Variants in RBM19 observed in about 807,000 individuals in gnomAD.
The protein encoded by RBM19 is RNA binding motif protein 19, also known as probable RNA-binding protein 19.
RBM19 carries 94 observed loss-of-function variants against 116.8 expected under a neutral mutation model. The observed-to-expected ratio is 0.80, with a 90% CI of 0.68 to 0.95. The LOEUF (loss-of-function observed/expected upper bound fraction) is 0.95, where lower values mean the gene tolerates loss of function less well. Among genes scored for constraint, RBM19 ranks in the 40% least tolerant of loss-of-function variants. The pLI is 0.00. For synonymous variants in RBM19, 475 were observed against 494.1 expected (o/e 0.96, Z 0.51); for missense variants, 1,161 against 1,220.7 (o/e 0.95, Z 0.73).
At position 113,962,359 on chromosome 12, in the gene RBM19, C is replaced by T. The variant is rs1347268639; in HGVS notation, c.92G>A (p.Cys31Tyr). ...GCCATCTTTGGTGAACTTCAGGCTG[C>T]AGTCTGTCAGCGTGCCGAAGGCGGC... is the stretch of plus-strand genomic sequence containing the variant. ...LFAAFGTLTD[C>Y]SLKFTKDGKF... The change falls in exon 2 of 24, where the codon TGC (cysteine) becomes TAC (tyrosine). Residue 31 changes from cysteine (C) to tyrosine (Y), a missense_variant. By Grantham distance (194) the Cys-to-Tyr change is radical (BLOSUM62 -2). Transcript: ENST00000261741. 2 of 1,614,210 alleles carry T rather than the reference C, an allele frequency of 1.2e-6. No homozygotes were observed. The highest frequency in any genetic ancestry group is 1.7e-5 in the Admixed American group (1 of 60,026).
chr12:113,923,493 T>C (rs1868775071), intron 18 of RBM19, among the ~76,000 whole-genome samples: 1 of 152,206 alleles, frequency 6.6e-6, no homozygotes, highest in African/African-American at 2.4e-5. Context: ...GTGCTGTATG[T>C]CTGCTTAGAA....
At chr12:113,928,817 A>G (rs1332954025) in intron 16 of RBM19, among the ~76,000 whole-genome samples, 2 of 152,014 alleles carry the variant, frequency 1.3e-5, no homozygotes, top group Non-Finnish European at 2.9e-5. Flanking sequence ...AAATGTGTTC[A>G]ATTCGTTTCA....
intron 21 of RBM19, among the ~76,000 whole-genome samples, chr12:113,873,977 T>TAGAAACCC (rs1445593454): frequency 6.7e-6 from 1 of 149,858 alleles, no homozygotes; most frequent in East Asian, 2.0e-4. Flanking sequence ...CAGATGAACC[T>TAGAAACCC]AGAAACCCAG....
At chr12:113,875,484 C>T (rs1879605800) in intron 21 of RBM19, among the ~76,000 whole-genome samples, 1 of 152,254 alleles carries the variant, frequency 6.6e-6, no homozygotes, top group East Asian at 1.9e-4. Context: ...GAGGAATGGA[C>T]TCTGGAAGGC....
Position 113,948,994 on chromosome 12 carries a change from G to A in RBM19, c.1115C>T (p.Thr372Ile), listed in dbSNP as rs200398252. ...IEVFREKNVP[T>I]TKGAPKNTTK... is the part of the protein sequence containing the mutation. ...GGTATTCTTTGGTGCACCCTTGGTG[G>A]TGGGGACGTTCTTTTCCCTGAACAC... Residue 372 changes from threonine to isoleucine, a missense_variant, in exon 10 of 24, where the codon ACC (threonine) becomes ATC (isoleucine). Transcript: ENST00000261741. 41 of 1,614,190 alleles carry A rather than the reference G, an allele frequency of 2.5e-5. No individual in the cohort carries two copies. In the East Asian group the frequency reaches 8.5e-4, roughly 33 times the overall value.
chr12:113,846,359 C>T (rs1318280352), intron 22 of RBM19, among the ~76,000 whole-genome samples: 1 of 152,158 alleles, frequency 6.6e-6, no homozygotes, highest in East Asian at 1.9e-4. Flanking sequence ...ATGGTCAGAC[C>T]CTGTCCCGCA....
rs184403242 is a variant in RBM19, at chr12:113,853,880, G to A, written c.2664+4911C>T. 7.9e-4 allele frequency among the ~76,000 whole-genome samples: 121 copies of A among 152,292 alleles called. 1 individual carries two copies. The highest frequency in any genetic ancestry group is 2.8e-3 in the African/African-American group (115 of 41,564). ...TTTCATTCTGGACTTGTTCCCAAGAGACGTTTTAAGGGACAACCTCTTGGC... is the reference window on the plus strand; with the variant it reads ...TTTCATTCTGGACTTGTTCCCAAGAAACGTTTTAAGGGACAACCTCTTGGC... On this transcript the variant is annotated intron_variant, in intron 22 of 23. Transcript: ENST00000261741.
chr12:113,959,139 G>T, intron 5 of RBM19, 73 bp downstream of exon 5: 2 of 1,525,626 alleles, frequency 1.3e-6, no homozygotes, highest in South Asian at 2.5e-5. Context: ...GCACAGAGGG[G>T]CCCCCAGTGC....
At chr12:113,902,335 C>T (rs146843350) in intron 21 of RBM19, among the ~76,000 whole-genome samples, 1 of 152,238 alleles carries the variant, frequency 6.6e-6, no homozygotes, top group Non-Finnish European at 1.5e-5. Flanking sequence ...TGTGTGGTGG[C>T]TCACACCTGT....
intron 5 of RBM19, 115 bp from the exon 6 acceptor site, chr12:113,958,165 T>C (rs1872143506): frequency 6.7e-7 from 1 of 1,501,692 alleles, no homozygotes; most frequent in African/African-American, 1.4e-5. Context: ...GCCCACCGTG[T>C]CCATGGCCCC....
chr12:113,842,043 T>C (rs1876531073), intron 23 of RBM19, among the ~76,000 whole-genome samples: 1 of 152,184 alleles, frequency 6.6e-6, no homozygotes. Context: ...AGGGAGTGAA[T>C]GGGAAGATGT....
At chr12:113,829,734 C>T (rs890262692) in intron 23 of RBM19, among the ~76,000 whole-genome samples, 1 of 152,188 alleles carries the variant, frequency 6.6e-6, no homozygotes, top group Non-Finnish European at 1.5e-5. Flanking sequence ...TAGTAGCACC[C>T]ACCACAGGGG....
chr12:113,959,504 G>A lies in RBM19; in HGVS notation c.379-100C>T, dbSNP rs538057519. ...GCTTGATCTTTCTAACTCTTAAGAG[G>A]GTGAGAAGATCCCTCAAGCTAATTT... On this transcript the variant is annotated intron_variant, in intron 4 of 23. Coordinates refer to ENST00000261741, the MANE Select transcript of RBM19 (RefSeq NM_016196.4). 69 of 1,301,344 alleles carry A rather than the reference G, an allele frequency of 5.3e-5. No homozygotes were observed. In the African/African-American group the frequency reaches 9.0e-4, roughly 17 times the overall value. 80.6% of individuals were successfully genotyped at this position (1,301,344 alleles called of 1,614,324 possible).
chr12:113,927,560 C>G, intron 16 of RBM19: 1 of 242,534 alleles, frequency 4.1e-6, no homozygotes, highest in Admixed American at 5.6e-5. Flanking sequence ...GAACCGTGAG[C>G]CTAAGCAAAA....
chr12:113,861,425 C>A (rs546290307), intron 21 of RBM19, among the ~76,000 whole-genome samples: 1 of 150,884 alleles, frequency 6.6e-6, no homozygotes, highest in Admixed American at 6.6e-5. Flanking sequence ...AATCTCCTAT[C>A]CCTTGATGGT....
At chr12:113,847,115 T>C (rs1460875401) in intron 22 of RBM19, among the ~76,000 whole-genome samples, 1 of 152,172 alleles carries the variant, frequency 6.6e-6, no homozygotes, top group Non-Finnish European at 1.5e-5. Context: ...ATCTTGAGCC[T>C]CCGTTTCCTC....
chr12:113,960,131 C>T lies in RBM19; in HGVS notation c.267G>A (p.Trp89Ter), dbSNP rs201525895. 3.7e-6 allele frequency: 6 copies of T among 1,614,002 alleles called. No homozygotes were observed. The highest frequency in any genetic ancestry group is 5.1e-6 in the Non-Finnish European group (6 of 1,180,042). Residue 89 changes from tryptophan (W) to a stop codon, truncating the protein, a stop_gained, in exon 3 of 24, where the codon TGG becomes TGA. Transcript: ENST00000261741. LOFTEE classifies it high-confidence loss of function. ...SFGDPAKPRA[W>*]SKHAQKPSQP... ...GGCTTGGTTTCTGGGCATGTTTGCT[C>T]CAGGCTCTGGGTTTGGCCGGGTCCC...
intron 22 of RBM19, 126 bp downstream of exon 22, chr12:113,858,665 A>G (rs1402222342): frequency 1.2e-6 from 1 of 857,772 alleles, no homozygotes; most frequent in Non-Finnish European, 1.9e-6. Context: ...AGCAGAAACA[A>G]AGGCAAAAAA....
At chr12:113,868,089 T>C (rs1282333956) in intron 21 of RBM19, among the ~76,000 whole-genome samples, 1 of 152,246 alleles carries the variant, frequency 6.6e-6, no homozygotes, top group East Asian at 1.9e-4. Flanking sequence ...GTGCTAAATA[T>C]AGTCCATGTA....
Sources: allele counts gnomAD v4.1 joint callset (sites outside exome capture counted in the v4.1 genomes callset), GRCh38; gene constraint gnomAD v4.1.1; transcripts MANE v1.5; gene names NCBI Gene and HGNC (gene_info 2026-07-23, HGNC 2026-07-21).